Variants in PTGER4 observed in about 807,000 individuals in gnomAD.
The protein encoded by PTGER4 is prostaglandin E2 receptor EP4 subtype.
PTGER4 carries 11 observed loss-of-function variants against 33.2 expected under a neutral mutation model. The ratio of observed to expected loss-of-function variants is 0.33; its 90% confidence interval spans 0.21 to 0.55. The LOEUF is 0.55. PTGER4 is among the 20% of genes least tolerant of loss of function. The probability of loss-of-function intolerance (pLI) is 0.92; values close to 1 mark genes in which losing one functional copy is unlikely to be tolerated. For missense variants in PTGER4, 481 were observed against 650.2 expected (o/e 0.74, Z 2.83); for synonymous variants, 275 against 281.5 (o/e 0.98, Z 0.23).
chr5:40,720,481 T>C, the PTGER4 span, among the ~76,000 whole-genome samples: 125 of 152,356 alleles, frequency 8.2e-4, no homozygotes, highest in African/African-American at 2.7e-3. Context: ...AATATACATA[T>C]GTATTTAAAG....
chr5:40,720,415 CCTAT>C, the PTGER4 span, among the ~76,000 whole-genome samples: 9 of 152,242 alleles, frequency 5.9e-5, no homozygotes, highest in Non-Finnish European at 1.0e-4. Context: ...CTACATTATG[CCTAT>C]CTAAGTACTA....
At chr5:40,707,053 C>T in the PTGER4 span, among the ~76,000 whole-genome samples, 5 of 152,126 alleles carry the variant, frequency 3.3e-5, no homozygotes, top group Admixed American at 1.3e-4. Context: ...AAGGAACAAC[C>T]GGTACCAGCC....
At chr5:40,701,960 C>T in the PTGER4 span, among the ~76,000 whole-genome samples, 1 of 152,120 alleles carries the variant, frequency 6.6e-6, no homozygotes, top group Non-Finnish European at 1.5e-5. Context: ...GAAATAAGAT[C>T]CTTTTCAGAT....
chr5:40,693,228 T>C lies in PTGER4; in HGVS notation c.*850T>C. Reference sequence around the variant, plus strand: ...CATGCTGGTGAATATTTTCAACTTTTTCCCTCACTAATTGGTACTTTTAAA... The same window carrying C: ...CATGCTGGTGAATATTTTCAACTTTCTCCCTCACTAATTGGTACTTTTAAA... On this transcript the variant is annotated 3_prime_UTR_variant, in exon 3 of 3. Transcript: ENST00000302472. The C allele has an allele frequency of 2.0e-6, 2 of 984,318 alleles. No individual in the cohort carries two copies. Among genetic ancestry groups the C allele is most frequent in the Non-Finnish European group, 2.4e-6 (2 of 828,524 alleles). 61.0% of individuals were successfully genotyped at this position (984,318 alleles called of 1,614,324 possible).
At chr5:40,687,700 T>C (rs537005157) in intron 2 of PTGER4, among the ~76,000 whole-genome samples, 11 of 152,360 alleles carry the variant, frequency 7.2e-5, no homozygotes, top group African/African-American at 2.4e-4. Context: ...AAAACTCATA[T>C]TGATTCTTTT....
At chr5:40,697,254 GA>G (rs1367082882), downstream of PTGER4, among the ~76,000 whole-genome samples, 1 of 91,942 alleles carries the variant, frequency 1.1e-5, no homozygotes, top group Non-Finnish European at 2.6e-5. Flanking sequence ...AAGAAAGAAA[GA>G]AAGAAAGAAA....
the PTGER4 span, among the ~76,000 whole-genome samples, chr5:40,724,841 A>C: frequency 2.0e-5 from 3 of 148,560 alleles, no homozygotes; most frequent in Non-Finnish European, 4.4e-5. Context: ...TAAACTAAAA[A>C]TTTACAAGTG....
downstream of PTGER4, among the ~76,000 whole-genome samples, chr5:40,697,272 AAG>A (rs1483046310): frequency 1.5e-5 from 2 of 135,792 alleles, no homozygotes; most frequent in African/African-American, 5.2e-5. Context: ...GAAAGAAAGA[AAG>A]AAAGAAAGAA....
chr5:40,720,072 GTTGT>G, the PTGER4 span, among the ~76,000 whole-genome samples: 1 of 151,912 alleles, frequency 6.6e-6, no homozygotes. Flanking sequence ...TTTTTCTTTT[GTTGT>G]TTGTGCTTCC....
chr5:40,738,582 A>AAT, the PTGER4 span, among the ~76,000 whole-genome samples: 298 of 140,184 alleles, frequency 2.1e-3, 5 homozygotes, highest in African/African-American at 6.2e-3. Flanking sequence ...AATAAAATAA[A>AAT]ATAAAATAAA....
chr5:40,709,052 T>G, the PTGER4 span, among the ~76,000 whole-genome samples: 3 of 151,720 alleles, frequency 2.0e-5, no homozygotes, highest in African/African-American at 4.8e-5. Context: ...AAGAGCTATC[T>G]ATGACAAACC....
intron 2 of PTGER4, among the ~76,000 whole-genome samples, chr5:40,687,389 T>C (rs1381192122): frequency 4.6e-5 from 7 of 152,166 alleles, no homozygotes; most frequent in Admixed American, 2.6e-4. Flanking sequence ...AGCAACACAC[T>C]CTTCCAACAC....
In PTGER4 at chr5:40,692,712, A is replaced by T; in HGVS notation, c.*334A>T. 1 of 1,051,392 alleles carries T rather than the reference A, an allele frequency of 9.5e-7. No individual in the cohort carries two copies. Among genetic ancestry groups the T allele is most frequent in the East Asian group, 7.6e-5 (1 of 13,094 alleles). The allele number at this position is 1,051,392 out of a possible 1,614,324, so 65.1% of individuals were successfully genotyped here. The stretch of plus-strand genomic sequence containing the variant: ...CATCCAGAGCTTTGTCGTATTTGGC[A>T]CACAGCAGAGGCCCAGATATTAGAA... On this transcript the variant is annotated 3_prime_UTR_variant, in exon 3 of 3. Coordinates refer to ENST00000302472, the MANE Select transcript of PTGER4 (RefSeq NM_000958.3).
downstream of PTGER4, chr5:40,696,768 G>C: frequency 2.2e-6 from 2 of 914,544 alleles, no homozygotes; most frequent in Non-Finnish European, 2.6e-6. Context: ...AATTAGGTAA[G>C]TATTTCTCTT....
the PTGER4 span, among the ~76,000 whole-genome samples, chr5:40,745,727 T>A: frequency 1.3e-5 from 2 of 150,732 alleles, no homozygotes; most frequent in African/African-American, 2.4e-5. Flanking sequence ...ATACTAGATA[T>A]ACGATTTATT....
chr5:40,725,920 G>T, the PTGER4 span, among the ~76,000 whole-genome samples: 1 of 151,566 alleles, frequency 6.6e-6, no homozygotes, highest in Non-Finnish European at 1.5e-5. Context: ...CGAGCAGCTG[G>T]GACTACAGGC....
At chr5:40,698,107 AAAAAAAAAAAAAC>A (rs1360593892), downstream of PTGER4, among the ~76,000 whole-genome samples, 4 of 145,010 alleles carry the variant, frequency 2.8e-5, no homozygotes, top group African/African-American at 5.1e-5. Context: ...AAAAAAAAAA[AAAAAAAAAAAAAC>A]CATGAAAAAT....
At chr5:40,719,595 T>C in the PTGER4 span, among the ~76,000 whole-genome samples, 3 of 152,238 alleles carry the variant, frequency 2.0e-5, no homozygotes, top group Admixed American at 6.5e-5. Context: ...ATGATAACTA[T>C]ATGTTTCATT....
intron 2 of PTGER4, among the ~76,000 whole-genome samples, chr5:40,684,559 T>A (rs1741280849): frequency 6.6e-6 from 1 of 152,264 alleles, no homozygotes; most frequent in South Asian, 2.1e-4. Flanking sequence ...TTGAGTTTAG[T>A]ATAAAAAATA....
Sources: gnomAD v4.1 joint callset for allele counts (sites outside exome capture counted in the v4.1 genomes callset) on GRCh38, gnomAD v4.1.1 for gene constraint, MANE v1.5 for transcripts, NCBI Gene and HGNC (gene_info 2026-07-23, HGNC 2026-07-21) for gene names.